Variants in SSH1 observed in about 807,000 individuals in gnomAD.
The protein encoded by SSH1 is protein phosphatase Slingshot homolog 1.
In SSH1, 43 loss-of-function variants were observed where a neutral mutation model predicts 79.7. The observed-to-expected ratio is 0.54, with a 90% confidence interval of 0.42 to 0.70. SSH1 has a LOEUF of 0.70. Ranked by LOEUF, SSH1 falls within the 30% of genes least tolerant of loss-of-function variation. The pLI is 0.00. For missense variants in SSH1, 1,206 were observed against 1,358.8 expected, an observed-to-expected ratio of 0.89 and a Z score of 1.77; for synonymous variants, 599 against 538.3, an observed-to-expected ratio of 1.11 and a Z score of -1.56.
intron 13 of SSH1, among the ~76,000 whole-genome samples, chr12:108,793,971 G>A (rs753487558): frequency 2.0e-5 from 3 of 152,170 alleles, no homozygotes; most frequent in Non-Finnish European, 4.4e-5. Flanking sequence ...CTGAGTGCGT[G>A]GCAGGCTCAG....
chr12:108,796,980 G>A (rs543175157), intron 13 of SSH1, among the ~76,000 whole-genome samples: 1 of 152,244 alleles, frequency 6.6e-6, no homozygotes, highest in Non-Finnish European at 1.5e-5. Context: ...GACCTCAGGT[G>A]ATCCACCTGC....
At chr12:108,790,842 A>T (rs2036470609) in intron 14 of SSH1, among the ~76,000 whole-genome samples, 1 of 152,204 alleles carries the variant, frequency 6.6e-6, no homozygotes, top group Non-Finnish European at 1.5e-5. Flanking sequence ...CAGAGGCAAC[A>T]AAGTCAGCAG....
intron 13 of SSH1, among the ~76,000 whole-genome samples, chr12:108,795,879 CTT>C (rs1304956811): frequency 6.6e-6 from 1 of 151,996 alleles, no homozygotes; most frequent in Non-Finnish European, 1.5e-5. Context: ...ACCCTGACCT[CTT>C]TTTATTTATA....
intron 5 of SSH1, among the ~76,000 whole-genome samples, chr12:108,813,743 G>C (rs1451373569): frequency 7.8e-6 from 1 of 127,810 alleles, no homozygotes; most frequent in African/African-American, 2.8e-5. Context: ...GAAGGAAAGG[G>C]AAGGGGAGGG....
chr12:108,809,544 A>T (rs935624534), intron 7 of SSH1, 149 bp downstream of exon 7: 3 of 740,446 alleles, frequency 4.1e-6, no homozygotes, highest in Admixed American at 4.0e-5. Context: ...AAATATGGTG[A>T]AAATGATAAA....
At chr12:108,798,452 T>C (rs2036843625) in intron 13 of SSH1, among the ~76,000 whole-genome samples, 1 of 152,210 alleles carries the variant, frequency 6.6e-6, no homozygotes, top group Non-Finnish European at 1.5e-5. Flanking sequence ...AATACTCCCA[T>C]CTCAGTTTCC....
At chr12:108,852,401 T>C (rs2039060316) in intron 2 of SSH1, among the ~76,000 whole-genome samples, 1 of 151,956 alleles carries the variant, frequency 6.6e-6, no homozygotes, top group African/African-American at 2.4e-5. Context: ...GTTAATTTTT[T>C]CTGTTTTTTT....
chr12:108,854,087 T>C (rs561224065), intron 1 of SSH1, among the ~76,000 whole-genome samples: 3 of 152,228 alleles, frequency 2.0e-5, no homozygotes, highest in South Asian at 2.1e-4. Flanking sequence ...GAGCAACAAA[T>C]TGACAAAGAG....
intron 1 of SSH1, among the ~76,000 whole-genome samples, chr12:108,856,391 A>G (rs2039143590): frequency 6.6e-6 from 1 of 152,246 alleles, no homozygotes; most frequent in Admixed American, 6.5e-5. Context: ...TGGCCAGGCA[A>G]ACGGACCTGG....
chr12:108,787,897 C>T lies in SSH1; in HGVS notation c.*91G>A. On this transcript the variant is annotated 3_prime_UTR_variant, in exon 15 of 15. Transcript: ENST00000326495. The stretch of plus-strand genomic sequence containing the variant: ...ATGACTTCACTCGTTTAAGGGAAAT[C>T]AAGATGTAAGGGGTCGATCCAAATC... 1 of 1,525,448 alleles carries T rather than the reference C, an allele frequency of 6.6e-7. No individual in the cohort carries two copies. The highest frequency in any genetic ancestry group is 2.3e-5 in the East Asian group (1 of 44,130). The allele number at this position is 1,525,448 out of a possible 1,614,324, so 94.5% of individuals were successfully genotyped here.
At chr12:108,799,345 T>C in intron 12 of SSH1, 145 bp from the exon 13 acceptor site, 1 of 678,494 alleles carries the variant, frequency 1.5e-6, no homozygotes, top group Non-Finnish European at 2.5e-6. Context: ...GAAATCCTCC[T>C]ACGTCTTAAT....
intron 9 of SSH1, among the ~76,000 whole-genome samples, chr12:108,805,576 G>A (rs186528759): frequency 2.6e-5 from 4 of 152,188 alleles, no homozygotes; most frequent in African/African-American, 9.6e-5. Context: ...TTAAAAGACA[G>A]GGCTGGATGG....
intron 5 of SSH1, chr12:108,811,579 G>A (rs755743698): frequency 8.4e-5 from 45 of 536,562 alleles, no homozygotes; most frequent in Non-Finnish European, 1.4e-4. Flanking sequence ...CTCTACAGCA[G>A]GGAGGCAGCT....
chr12:108,848,658 C>T (rs1329971299), intron 2 of SSH1, among the ~76,000 whole-genome samples: 2 of 152,232 alleles, frequency 1.3e-5, no homozygotes, highest in East Asian at 1.9e-4. Context: ...TCTTGTGTAG[C>T]GAGGAAGGCT....
intron 10 of SSH1, 111 bp downstream of exon 10, chr12:108,804,945 C>G: frequency 7.3e-7 from 1 of 1,377,232 alleles, no homozygotes. Context: ...GAGGCTCTGG[C>G]AACTCAAGTT....
chr12:108,796,481 C>T (rs143007683), intron 13 of SSH1, among the ~76,000 whole-genome samples: 9 of 152,310 alleles, frequency 5.9e-5, no homozygotes, highest in African/African-American at 1.7e-4. Flanking sequence ...TTTCACTTAG[C>T]GCAATGTCAT....
chr12:108,789,218 G>A lies in SSH1; in HGVS notation c.1920C>T (p.Asn640=). The part of the protein sequence containing the change: ...MEDDAIFGIL[N]KVKPSYKSCA... ...AGGATTTATAGGAAGGCTTCACTTTGTTAAGGATCCCAAATATAGCATCAT... is the reference window on the plus strand; with the variant it reads ...AGGATTTATAGGAAGGCTTCACTTTATTAAGGATCCCAAATATAGCATCAT... Residue 640 remains asparagine, a synonymous_variant, in exon 15 of 15, where the codon AAC becomes AAT. Transcript: ENST00000326495. 6.2e-7 allele frequency: 1 copy of A among 1,602,386 alleles called. No homozygotes were observed. The highest frequency in any genetic ancestry group is 1.1e-5 in the South Asian group (1 of 89,394).
At position 108,788,548 on chromosome 12, in the gene SSH1, C is replaced by T. The variant is rs776283064; in HGVS notation, c.2590G>A (p.Ala864Thr). 32 of 1,582,014 alleles carry T rather than the reference C, an allele frequency of 2.0e-5. No homozygotes were observed. Among genetic ancestry groups the T allele is most frequent in the Non-Finnish European group, 2.6e-5 (30 of 1,163,042 alleles). Residue 864 changes from alanine to threonine, a missense_variant, in exon 15 of 15, where the codon GCG becomes ACG. By Grantham distance (58) the Ala-to-Thr change is moderately conservative (BLOSUM62 0). Coordinates refer to ENST00000326495, the MANE Select transcript of SSH1 (RefSeq NM_018984.4). ...SIPEESQDPA[A>T]LHELGPLVMP... ...ACCAGGGGGCCCAGCTCGTGGAGCG[C>T]GGCTGGATCCTGGCTCTCCTCGGGG...
At chr12:108,832,719 C>T (rs1055573256) in intron 2 of SSH1, among the ~76,000 whole-genome samples, 1 of 152,138 alleles carries the variant, frequency 6.6e-6, no homozygotes, top group Non-Finnish European at 1.5e-5. Context: ...TCACAAAGAC[C>T]CTGAGTTGGG....
Sources: gnomAD v4.1 joint callset for allele counts (sites outside exome capture counted in the v4.1 genomes callset) on GRCh38, gnomAD v4.1.1 for gene constraint, MANE v1.5 for transcripts, NCBI Gene and HGNC (gene_info 2026-07-23, HGNC 2026-07-21) for gene names.